ARHGAP39: variants seen among roughly 807,000 people sequenced by gnomAD.
ARHGAP39 encodes the protein Rho GTPase activating protein 39.
In ARHGAP39, 44 loss-of-function variants were observed where a neutral mutation model predicts 106.9. The ratio of observed to expected loss-of-function variants is 0.41; its 90% CI spans 0.32 to 0.53. ARHGAP39 has a LOEUF of 0.53. Among genes scored for constraint, ARHGAP39 ranks in the 20% least tolerant of loss-of-function variants. The probability of loss-of-function intolerance (pLI) is 0.21; values close to 1 mark genes in which losing one functional copy is unlikely to be tolerated. For synonymous variants in ARHGAP39, 768 were observed against 693.2 expected (o/e 1.11, Z -1.69); for missense variants, 1,496 against 1,577.3 (o/e 0.95, Z 0.87).
rs1354263451 is a variant in ARHGAP39, at chr8:144,633,146, TG to T, written c.-81-27452del. ...GACACAGCAAGACCCTGTTTTTTTTTGTTTGTTTGTTTGTTTGTTTTTAAAA... is the reference window on the plus strand; with the variant it reads ...GACACAGCAAGACCCTGTTTTTTTTTTTTGTTTGTTTGTTTGTTTTTAAAA... On this transcript the variant is annotated intron_variant, in intron 1 of 11. Coordinates refer to ENST00000377307, the MANE Select transcript of ARHGAP39 (RefSeq NM_025251.3). Among the ~76,000 whole-genome samples, 710 of 147,206 alleles carry T rather than the reference TG, an allele frequency of 4.8e-3. 3 individuals are homozygous for T. The highest frequency in any genetic ancestry group is 0.017 in the African/African-American group (678 of 39,346).
At chr8:144,698,872 A>T in the ARHGAP39 span, 1 of 456,094 alleles carries the variant, frequency 2.2e-6, no homozygotes, top group Admixed American at 2.3e-5. Flanking sequence ...TTGCAAAGAC[A>T]AGGCCACCCC....
intron 6 of ARHGAP39, among the ~76,000 whole-genome samples, chr8:144,541,816 A>G (rs57677584): frequency 0.023 from 3,534 of 152,286 alleles, 125 homozygotes; most frequent in African/African-American, 0.081. Flanking sequence ...GCTGTGAACG[A>G]GGTGTACAAA....
At position 144,684,988 on chromosome 8, in the gene ARHGAP39, G is replaced by C. The variant is rs1341929511; in HGVS notation, c.-82+698C>G. On this transcript the variant is annotated intron_variant, in intron 1 of 11. Transcript: ENST00000377307. The surrounding 1 kb of genome is among the most constrained non-coding windows in gnomAD (Gnocchi z 4.4). The stretch of plus-strand genomic sequence containing the variant: ...CAGGACGCGGGCACCAGACCCGACC[G>C]GCGGGCATCCACCTTGTCCCCACTC... Among the ~76,000 whole-genome samples the C allele has an allele frequency of 6.6e-6, 1 of 152,206 alleles. No homozygotes were observed. Among genetic ancestry groups the C allele is most frequent in the African/African-American group, 2.4e-5 (1 of 41,464 alleles).
chr8:144,693,330 T>TG, the ARHGAP39 span, among the ~76,000 whole-genome samples: 2 of 152,076 alleles, frequency 1.3e-5, no homozygotes, highest in Non-Finnish European at 2.9e-5. Flanking sequence ...CCCAAAGTGC[T>TG]GGGATTACAG....
At chr8:144,601,268 CTGTG>C (rs367944544) in intron 2 of ARHGAP39, among the ~76,000 whole-genome samples, 21 of 122,424 alleles carry the variant, frequency 1.7e-4, no homozygotes, top group Middle Eastern at 8.6e-3. Flanking sequence ...GCTCGTGAAC[CTGTG>C]TGTGTGCATG....
intron 4 of ARHGAP39, among the ~76,000 whole-genome samples, chr8:144,553,750 C>T (rs1481292003): frequency 6.6e-6 from 1 of 152,258 alleles, no homozygotes; most frequent in Non-Finnish European, 1.5e-5. Flanking sequence ...AGGCTGCCAT[C>T]ACCACACTGG....
intron 2 of ARHGAP39, among the ~76,000 whole-genome samples, chr8:144,594,112 A>G (rs996863554): frequency 1.3e-5 from 2 of 151,386 alleles, no homozygotes; most frequent in African/African-American, 4.9e-5. Flanking sequence ...AAAAAAAGAT[A>G]AATACCCCAG....
chr8:144,603,990 G>A (rs187301909), intron 2 of ARHGAP39, among the ~76,000 whole-genome samples: 1 of 152,224 alleles, frequency 6.6e-6, no homozygotes, highest in African/African-American at 2.4e-5. Context: ...AAAACCCAAC[G>A]GAGCTCACAG....
At chr8:144,680,647 T>C (rs1324913791) in intron 1 of ARHGAP39, among the ~76,000 whole-genome samples, 1 of 152,138 alleles carries the variant, frequency 6.6e-6, no homozygotes, top group African/African-American at 2.4e-5. Flanking sequence ...GGAAAACACT[T>C]GCATACAAAA....
intron 3 of ARHGAP39, among the ~76,000 whole-genome samples, chr8:144,580,322 A>G (rs553273752): frequency 1.3e-5 from 2 of 151,930 alleles, no homozygotes; most frequent in Non-Finnish European, 2.9e-5. Context: ...GCAAATCCCC[A>G]CATCTGCATC....
rs918366534 is a variant in ARHGAP39 at position 144,529,980 on chromosome 8, C to G, written c.*442G>C. The G allele has an allele frequency of 6.0e-6, 1 of 165,776 alleles. No individual in the cohort carries two copies. Among genetic ancestry groups the G allele is most frequent in the African/African-American group, 2.4e-5 (1 of 41,628 alleles). The allele number at this position is 165,776 out of a possible 1,614,324, so 10.3% of individuals were successfully genotyped here. A position where few individuals can be genotyped will look rare whatever the true frequency, so the allele number is the denominator to read the frequency against. Reference sequence around the variant, plus strand: ...AGGCGGGGACAGGTCGGGAAGCTCTCTCGGGGCTGGGAAGAGCTGCAGGCC... The same window carrying G: ...AGGCGGGGACAGGTCGGGAAGCTCTGTCGGGGCTGGGAAGAGCTGCAGGCC... On this transcript the variant is annotated 3_prime_UTR_variant, in exon 12 of 12. Transcript: ENST00000377307.
chr8:144,603,331 G>A (rs1820151417), intron 2 of ARHGAP39, among the ~76,000 whole-genome samples: 1 of 152,036 alleles, frequency 6.6e-6, no homozygotes, highest in Non-Finnish European at 1.5e-5. Flanking sequence ...GTACCTGCAT[G>A]TGTGGAGGCA....
rs200029201 is a variant in ARHGAP39 at position 144,601,999 on chromosome 8, CTGTG to C, written c.80+3532_80+3535del. ...GAGGTGCGTGTGCGAGCTCATGTAC[CTGTG>C]TGTGTGCATGGAGGCGTGTGTGTGC... On this transcript the variant is annotated intron_variant, in intron 2 of 11. Transcript: ENST00000377307. 4.9e-5 allele frequency among the ~76,000 whole-genome samples: 6 copies of C among 123,644 alleles called. No homozygotes were observed. In the South Asian group the frequency reaches 8.2e-4, roughly 17 times the overall value. The allele number at this position is 123,644 out of a possible 152,430, so 81.1% of individuals were successfully genotyped here. A position where few individuals can be genotyped will look rare whatever the true frequency, so the allele number is the denominator to read the frequency against.
At chr8:144,568,708 C>G (rs779225761) in intron 3 of ARHGAP39, among the ~76,000 whole-genome samples, 4 of 152,012 alleles carry the variant, frequency 2.6e-5, no homozygotes, top group Non-Finnish European at 5.9e-5. Context: ...GTTCTTACAC[C>G]ATTTATGAAG....
chr8:144,536,902 AGAGGT>A (rs1488770140), intron 7 of ARHGAP39, among the ~76,000 whole-genome samples: 1 of 152,244 alleles, frequency 6.6e-6, no homozygotes, highest in Admixed American at 6.5e-5. Context: ...TCCTGGAGGA[AGAGGT>A]GCCTAAGCCA....
chr8:144,689,759 T>G (rs1436404557), upstream of ARHGAP39, among the ~76,000 whole-genome samples: 1 of 149,728 alleles, frequency 6.7e-6, no homozygotes, highest in Non-Finnish European at 1.5e-5. Flanking sequence ...TTTTTTTTTT[T>G]TGTGACAGAG....
intron 9 of ARHGAP39, 98 bp from the exon 10 acceptor site, chr8:144,532,494 G>A: frequency 8.7e-7 from 1 of 1,147,294 alleles, no homozygotes; most frequent in Non-Finnish European, 1.2e-6. Flanking sequence ...GCTGACCCGG[G>A]GAGGGGAGCA....
chr8:144,541,158 C>G (rs1273485679), intron 6 of ARHGAP39, among the ~76,000 whole-genome samples: 1 of 152,216 alleles, frequency 6.6e-6, no homozygotes, highest in African/African-American at 2.4e-5. Context: ...GACTCCTTTG[C>G]TTCTTAAGCA....
intron 1 of ARHGAP39, among the ~76,000 whole-genome samples, chr8:144,632,276 G>A (rs1260061350): frequency 6.6e-6 from 1 of 152,126 alleles, no homozygotes; most frequent in African/African-American, 2.4e-5. Context: ...GGAAAGCCGT[G>A]GAGCCCACCT....
Sources: gnomAD v4.1 joint callset for allele counts (sites outside exome capture counted in the v4.1 genomes callset) on GRCh38, gnomAD v4.1.1 for gene constraint, Gnocchi (gnomAD v3.1) non-coding constraint, MANE v1.5 for transcripts, NCBI Gene and HGNC (gene_info 2026-07-23, HGNC 2026-07-21) for gene names.